The following SHISA9 variants were observed in gnomAD, a reference collection of about 807,000 sequenced individuals.
SHISA9 encodes shisa family member 9.
Under a neutral mutation model 38.0 loss-of-function variants are expected in SHISA9, and 13 were observed. The ratio of observed to expected loss-of-function variants is 0.34; its 90% confidence interval spans 0.22 to 0.54. The LOEUF is 0.54. Ranked by LOEUF, SHISA9 falls within the 20% of genes least tolerant of loss-of-function variation. SHISA9 has a pLI of 0.91. For synonymous variants in SHISA9, 275 were observed against 242.0 expected (o/e 1.14, Z -1.27); for missense variants, 538 against 575.8 (o/e 0.93, Z 0.67).
At position 13,041,222 on chromosome 16, in the gene SHISA9, A is replaced by C. The variant is rs80050508; in HGVS notation, c.691+124407A>C. 2.6e-5 allele frequency among the ~76,000 whole-genome samples: 4 copies of C among 152,208 alleles called. No homozygotes were observed. In the East Asian group the frequency reaches 7.7e-4, roughly 29 times the overall value. ...GAAGGAGTGCAGGCCCCCACAAATAAATTTTGTTTCCTCAATGTTTTCTCT... is the reference window on the plus strand; with the variant it reads ...GAAGGAGTGCAGGCCCCCACAAATACATTTTGTTTCCTCAATGTTTTCTCT... On this transcript the variant is annotated intron_variant, in intron 2 of 4. Transcript: ENST00000558583.
chr16:13,523,564 G>A, the SHISA9 span, among the ~76,000 whole-genome samples: 1 of 152,144 alleles, frequency 6.6e-6, no homozygotes. Context: ...CAAACGTTAT[G>A]GAAAGTGATG....
At chr16:13,235,007 C>A in intron 4 of SHISA9, 23 bp from the exon 5 acceptor site, 1 of 1,511,668 alleles carries the variant, frequency 6.6e-7, no homozygotes, top group Non-Finnish European at 8.9e-7. Flanking sequence ...TCCCCTTCTT[C>A]ATCCACCCGT....
At chr16:13,437,418 C>G in the SHISA9 span, among the ~76,000 whole-genome samples, 3 of 152,144 alleles carry the variant, frequency 2.0e-5, no homozygotes, top group Non-Finnish European at 4.4e-5. Flanking sequence ...ATATGCCCAA[C>G]CACTCAGTAA....
In SHISA9 at chr16:13,045,032, G is replaced by A. The variant is rs137912719; in HGVS notation, c.691+128217G>A. On this transcript the variant is annotated intron_variant, in intron 2 of 4. Coordinates refer to ENST00000558583, the MANE Select transcript of SHISA9 (RefSeq NM_001145204.3). ...TTCTCAGCTCTGTGGCTTCATGCCCGTGATGTGTGCCTCAGTTTCCTGATC... is the reference window on the plus strand; with the variant it reads ...TTCTCAGCTCTGTGGCTTCATGCCCATGATGTGTGCCTCAGTTTCCTGATC... 7.5e-4 allele frequency among the ~76,000 whole-genome samples: 114 copies of A among 152,310 alleles called. 1 individual carries two copies. Among genetic ancestry groups the A allele is most frequent in the African/African-American group, 2.5e-3 (102 of 41,574 alleles).
chr16:13,345,974 T>A, the SHISA9 span, among the ~76,000 whole-genome samples: 37 of 152,174 alleles, frequency 2.4e-4, no homozygotes, highest in African/African-American at 4.6e-4. Context: ...AAAATTTTTT[T>A]AAAAATTTCT....
chr16:13,285,511 G>T, the SHISA9 span, among the ~76,000 whole-genome samples: 1 of 142,246 alleles, frequency 7.0e-6, no homozygotes, highest in African/African-American at 2.6e-5. Flanking sequence ...AGATGAGGCC[G>T]AGTGAGATTT....
the SHISA9 span, among the ~76,000 whole-genome samples, chr16:13,476,738 GTTTTTTTTTTTT>G: frequency 2.9e-4 from 19 of 65,226 alleles, no homozygotes; most frequent in South Asian, 9.1e-3. Context: ...CCTGTTTTGT[GTTTTTTTTTTTT>G]TTTTTTTTTT....
chr16:13,200,788 T>G (rs1288162212), intron 2 of SHISA9, among the ~76,000 whole-genome samples: 1 of 135,716 alleles, frequency 7.4e-6, no homozygotes, highest in Non-Finnish European at 1.6e-5. Context: ...TTTGGCGACA[T>G]TCCCATTTAA....
chr16:13,183,831 T>C lies in SHISA9; in HGVS notation c.692-19563T>C, dbSNP rs146580890. On this transcript the variant is annotated intron_variant, in intron 2 of 4. Coordinates refer to ENST00000558583, the MANE Select transcript of SHISA9 (RefSeq NM_001145204.3). ...AATTCTTCCACTTTTGAGTTTATCT[T>C]TCCTATTTCATGGTGTTGGTATTAT... Among the ~76,000 whole-genome samples the C allele has an allele frequency of 1.1e-4, 16 of 152,340 alleles. No homozygotes were observed. The East Asian group carries it at 3.1e-3, about 29-fold the overall frequency.
At chr16:13,531,858 A>G in the SHISA9 span, among the ~76,000 whole-genome samples, 1 of 152,198 alleles carries the variant, frequency 6.6e-6, no homozygotes, top group Non-Finnish European at 1.5e-5. Context: ...CAGGGCCTAA[A>G]TGAAAGCTAT....
chr16:13,085,166 A>G (rs779745354), intron 2 of SHISA9, among the ~76,000 whole-genome samples: 2 of 152,210 alleles, frequency 1.3e-5, no homozygotes, highest in Non-Finnish European at 2.9e-5. Flanking sequence ...GCAGCATTGC[A>G]GACTCAACTG....
At chr16:13,356,600 A>T in the SHISA9 span, among the ~76,000 whole-genome samples, 1 of 152,126 alleles carries the variant, frequency 6.6e-6, no homozygotes, top group Non-Finnish European at 1.5e-5. Context: ...ATTGGGACCT[A>T]GCTCGGCCTG....
At chr16:13,145,468 A>T (rs1260285163) in intron 2 of SHISA9, among the ~76,000 whole-genome samples, 1 of 152,208 alleles carries the variant, frequency 6.6e-6, no homozygotes, top group Non-Finnish European at 1.5e-5. Flanking sequence ...CGGGAGTTGC[A>T]GTGAGCCAAG....
intron 2 of SHISA9, among the ~76,000 whole-genome samples, chr16:13,103,736 G>A (rs2073900686): frequency 6.6e-6 from 1 of 152,222 alleles, no homozygotes; most frequent in Non-Finnish European, 1.5e-5. Context: ...TCAGCTGACT[G>A]CATTCATCTC....
At chr16:13,089,507 A>G (rs181937851) in intron 2 of SHISA9, among the ~76,000 whole-genome samples, 5 of 152,278 alleles carry the variant, frequency 3.3e-5, no homozygotes, top group Admixed American at 1.3e-4. Flanking sequence ...CAGAAATTCA[A>G]CTTCTTCCTA....
intron 2 of SHISA9, among the ~76,000 whole-genome samples, chr16:12,965,077 C>T (rs991118196): frequency 1.3e-5 from 2 of 151,956 alleles, no homozygotes; most frequent in Non-Finnish European, 2.9e-5. Context: ...ATATACCTTT[C>T]CTTCAGGAAA....
At chr16:12,976,519 T>C (rs1227232359) in intron 2 of SHISA9, among the ~76,000 whole-genome samples, 1 of 152,188 alleles carries the variant, frequency 6.6e-6, no homozygotes, top group Non-Finnish European at 1.5e-5. Context: ...TAATTCCTAT[T>C]CCGCTCCTGT....
At chr16:13,329,803 G>A in the SHISA9 span, among the ~76,000 whole-genome samples, 1 of 152,144 alleles carries the variant, frequency 6.6e-6, no homozygotes. Context: ...CGTCCGTCCT[G>A]GAAAGATATT....
the SHISA9 span, among the ~76,000 whole-genome samples, chr16:13,512,583 G>A: frequency 9.4e-3 from 1,435 of 152,226 alleles, 22 homozygotes; most frequent in African/African-American, 0.033. Context: ...GAAGCTGGAG[G>A]CATCATGCTA....
Sources: gnomAD v4.1 joint callset for allele counts (sites outside exome capture counted in the v4.1 genomes callset) on GRCh38, gnomAD v4.1.1 for gene constraint, MANE v1.5 for transcripts, NCBI Gene and HGNC (gene_info 2026-07-23, HGNC 2026-07-21) for gene names.